SEC24C: variants seen among roughly 807,000 people sequenced by gnomAD.
The protein encoded by SEC24C is SEC24 homolog C, COPII component, also known as protein transport protein Sec24C.
A neutral mutation model predicts 117.0 loss-of-function variants in SEC24C; 22 were observed. That is an observed-to-expected ratio of 0.19 (90% confidence interval 0.13 to 0.27). The LOEUF is 0.27. Ranked by LOEUF, SEC24C falls within the 10% of genes least tolerant of loss-of-function variation. The pLI, the probability that SEC24C is intolerant of heterozygous loss-of-function variation, is 1.00. For synonymous variants in SEC24C, 506 were observed against 529.4 expected, an observed-to-expected ratio of 0.96 and a Z score of 0.61; for missense variants, 1,155 against 1,375.1, an observed-to-expected ratio of 0.84 and a Z score of 2.53.
rs1226681529 is a variant in SEC24C at position 73,746,865 on chromosome 10, A to G, written c.33A>G (p.Pro11=). ...TCAACCAGTCAGTTCCACCTGTGCC[A>G]CCATTTGGGCAGCCCCAGCCCATCT... MNVNQSVPPV[P]PFGQPQPIYP... Residue 11 remains proline (P), a synonymous_variant, in exon 2 of 23, where the codon CCA becomes CCG. Coordinates refer to ENST00000345254, the MANE Select transcript of SEC24C (RefSeq NM_198597.3). The G allele has an allele frequency of 1.2e-6, 2 of 1,612,110 alleles. No homozygotes were observed. The highest frequency in any genetic ancestry group is 1.3e-5 in the African/African-American group (1 of 74,894).
In SEC24C at chr10:73,770,702, G is replaced by T. The variant is rs774554256; in HGVS notation, c.3055-7G>T. ...TACCATAAGGATAAATGAATTTTGTGTTCTAGAGTGTTCTGCCAGTTCTGG... is the reference window on the plus strand; with the variant it reads ...TACCATAAGGATAAATGAATTTTGTTTTCTAGAGTGTTCTGCCAGTTCTGG... On this transcript the variant is annotated splice_polypyrimidine_tract_variant and splice_region_variant and intron_variant, in intron 21 of 22. Coordinates refer to ENST00000345254, the MANE Select transcript of SEC24C (RefSeq NM_198597.3). 5 of 1,613,992 alleles carry T rather than the reference G, an allele frequency of 3.1e-6. No individual in the cohort carries two copies. The highest frequency in any genetic ancestry group is 4.2e-6 in the Non-Finnish European group (5 of 1,179,908).
At chr10:73,768,533 A>G (rs547439859) in intron 15 of SEC24C, among the ~76,000 whole-genome samples, 1 of 152,344 alleles carries the variant, frequency 6.6e-6, no homozygotes, top group Non-Finnish European at 1.5e-5. Context: ...AAATTTCTTA[A>G]GTACTTCCTC....
chr10:73,756,284 C>T (rs1177534857), intron 3 of SEC24C, among the ~76,000 whole-genome samples: 2 of 152,142 alleles, frequency 1.3e-5, no homozygotes, highest in Non-Finnish European at 2.9e-5. Context: ...AGTCCTTGGG[C>T]TTTCCTGAGA....
chr10:73,747,938 C>T (rs1319632957), intron 2 of SEC24C, among the ~76,000 whole-genome samples: 2 of 151,864 alleles, frequency 1.3e-5, no homozygotes, highest in East Asian at 1.9e-4. Context: ...AGATTACAGG[C>T]GTGAGCCACC....
At chr10:73,758,591 C>T (rs568084947) in intron 3 of SEC24C, among the ~76,000 whole-genome samples, 2 of 152,320 alleles carry the variant, frequency 1.3e-5, no homozygotes, top group South Asian at 4.1e-4. Flanking sequence ...CCTTAAGCAA[C>T]TCCTGATCTA....
At chr10:73,765,367 TTCC>T (rs1296649657) in intron 8 of SEC24C, 81 bp from the exon 9 acceptor site, 2 of 1,502,090 alleles carry the variant, frequency 1.3e-6, no homozygotes, top group Non-Finnish European at 1.8e-6. Context: ...ATGCGCCTTC[TTCC>T]TCCGGTTGTT....
At position 73,766,796 on chromosome 10, in the gene SEC24C, A is replaced by C. The variant is rs202019591; in HGVS notation, c.1836A>C (p.Thr612=). 1 of 1,614,214 alleles carries C rather than the reference A, an allele frequency of 6.2e-7. No individual in the cohort carries two copies. Among genetic ancestry groups the C allele is most frequent in the Admixed American group, 1.7e-5 (1 of 60,020 alleles). ...LDQIPEMFAD[T]RETETVFVPV... Reference sequence around the variant, plus strand: ...AGATTCCAGAAATGTTTGCAGACACAAGGGAAACAGAGACAGTATTTGTAC... The same window carrying C: ...AGATTCCAGAAATGTTTGCAGACACCAGGGAAACAGAGACAGTATTTGTAC... The change falls in exon 13 of 23, where the codon ACA becomes ACC. Residue 612 remains threonine (T), a synonymous_variant. Coordinates refer to ENST00000345254, the MANE Select transcript of SEC24C (RefSeq NM_198597.3).
At chr10:73,764,094 G>A (rs755917124) in intron 8 of SEC24C, 111 bp downstream of exon 8, 103 of 1,373,200 alleles carry the variant, frequency 7.5e-5, no homozygotes, top group Non-Finnish European at 9.3e-5. Flanking sequence ...TTTTAGTTAG[G>A]CAGGAGAGGA....
Position 73,763,520 on chromosome 10 carries a change from C to G in SEC24C, c.1018C>G (p.Arg340Gly), listed in dbSNP as rs756665026. The change falls in exon 7 of 23, where the codon CGG (arginine) becomes GGG (glycine). Residue 340 changes from arginine (R) to glycine (G), a missense_variant. Physicochemically the swap from Arg to Gly is moderately radical, Grantham distance 125. This residue lies in a region of SEC24C where 759 missense variants were observed against 992.3 expected (regional missense o/e 0.76). Coordinates refer to ENST00000345254, the MANE Select transcript of SEC24C (RefSeq NM_198597.3). ...GGTCATTGAAGATGACAGGAACAAC[C>G]GGGGTACAGAGCCATTTGTTACTGG... ...IQVIEDDRNNRGTEPFVTGVR... is the reference protein window; with the variant it reads ...IQVIEDDRNNGGTEPFVTGVR... 1 of 1,613,424 alleles carries G rather than the reference C, an allele frequency of 6.2e-7. No individual in the cohort carries two copies.
intron 10 of SEC24C, 83 bp downstream of exon 10, chr10:73,765,998 T>C: frequency 6.3e-7 from 1 of 1,588,550 alleles, no homozygotes; most frequent in Non-Finnish European, 8.6e-7. Context: ...CCCTCACCCC[T>C]TTTTTGTCCC....
rs2082828333 is a variant in SEC24C at position 73,763,502 on chromosome 10, G to A, written c.1000G>A (p.Glu334Lys). Residue 334 changes from glutamate to lysine, a missense_variant, in exon 7 of 23, where the codon GAA (glutamate) becomes AAA (lysine). Physicochemically the swap from Glu to Lys is moderately conservative, Grantham distance 56. Coordinates refer to ENST00000345254, the MANE Select transcript of SEC24C (RefSeq NM_198597.3). ...DAIPSPIQVI[E>K]DDRNNRGTEP... The stretch of plus-strand genomic sequence containing the variant: ...CACTTCTCTGCAGATTCAGGTCATT[G>A]AAGATGACAGGAACAACCGGGGTAC... The A allele has an allele frequency of 3.7e-6, 6 of 1,609,980 alleles. No homozygotes were observed. Among genetic ancestry groups the A allele is most frequent in the Non-Finnish European group, 4.2e-6 (5 of 1,176,548 alleles).
At position 73,759,649 on chromosome 10, in the gene SEC24C, C is replaced by A; in HGVS notation, c.336C>A (p.Ser112=). The A allele has an allele frequency of 1.3e-6, 2 of 1,540,214 alleles. No homozygotes were observed. Among genetic ancestry groups the A allele is most frequent in the Non-Finnish European group, 1.7e-6 (2 of 1,145,646 alleles). The stretch of plus-strand genomic sequence containing the variant: ...TGCCTGGGTCTCAGCCATTTGGGTC[C>A]CCATTGGCCCCTGTGGGCAACCAGC... ...QRLPGSQPFG[S]PLAPVGNQPP... Residue 112 remains serine, a synonymous_variant, in exon 4 of 23, where the codon TCC becomes TCA. Coordinates refer to ENST00000345254, the MANE Select transcript of SEC24C (RefSeq NM_198597.3).
At chr10:73,750,996 T>C in intron 2 of SEC24C, 112 bp from the exon 3 acceptor site, 2 of 1,117,002 alleles carry the variant, frequency 1.8e-6, no homozygotes, top group East Asian at 2.4e-5. Flanking sequence ...GCCTAAACTG[T>C]GGTATTGGGC....
intron 3 of SEC24C, among the ~76,000 whole-genome samples, chr10:73,757,699 G>GCGAGAAGA (rs75947160): frequency 6.6e-6 from 1 of 150,884 alleles, no homozygotes; most frequent in Non-Finnish European, 1.5e-5. Context: ...TGAAGCCGGG[G>GCGAGAAGA]TAGGAGTTCA....
At chr10:73,767,032 G>C (rs1376004568) in intron 13 of SEC24C, 22 bp from the exon 14 acceptor site, 10 of 1,563,630 alleles carry the variant, frequency 6.4e-6, no homozygotes, top group Non-Finnish European at 8.8e-6. Context: ...GAATAAACAA[G>C]TAGTCCTCTC....
At chr10:73,747,506 C>T (rs1167303309) in intron 2 of SEC24C, among the ~76,000 whole-genome samples, 13 of 152,048 alleles carry the variant, frequency 8.5e-5, no homozygotes, top group Non-Finnish European at 2.9e-5. Flanking sequence ...CATCCACCAC[C>T]ACACCAGCTA....
chr10:73,767,175 G>A lies in SEC24C; in HGVS notation c.2010+5G>A. 1.3e-6 allele frequency: 2 copies of A among 1,593,340 alleles called. No individual in the cohort carries two copies. Among genetic ancestry groups the A allele is most frequent in the South Asian group, 1.1e-5 (1 of 90,622 alleles). ...ATCAATACAGACAAGGAGAAGGTGT[G>A]GGACTGGAAAATGGGGGAGGGGAAG... is the stretch of plus-strand genomic sequence containing the variant. On this transcript the variant is annotated splice_donor_5th_base_variant and intron_variant, in intron 14 of 22. Transcript: ENST00000345254.
chr10:73,760,605 A>G (rs2082783390), intron 5 of SEC24C, 108 bp from the exon 6 acceptor site: 5 of 1,243,454 alleles, frequency 4.0e-6, no homozygotes, highest in Non-Finnish European at 4.5e-6. Flanking sequence ...GCCAGGCATT[A>G]GTGTGCCTCA....
chr10:73,766,942 G>A (rs1565047262), intron 13 of SEC24C, 89 bp downstream of exon 13: 3 of 1,388,330 alleles, frequency 2.2e-6, no homozygotes, highest in Non-Finnish European at 3.1e-6. Context: ...TTCTTCAGTA[G>A]TGGGTGACTG....
Sources: gnomAD v4.1 joint callset for allele counts (sites outside exome capture counted in the v4.1 genomes callset) on GRCh38, gnomAD v4.1.1 for gene constraint, gnomAD v4.1.1 regional missense constraint, MANE v1.5 for transcripts, NCBI Gene and HGNC (gene_info 2026-07-23, HGNC 2026-07-21) for gene names.